Variants in TBC1D12 observed in about 807,000 individuals in gnomAD.
The protein encoded by TBC1D12 is TBC1 domain family, member 12.
Under a neutral mutation model 86.7 loss-of-function variants are expected in TBC1D12, and 56 were observed. The observed-to-expected ratio is 0.65, with a 90% confidence interval of 0.52 to 0.81. The LOEUF (loss-of-function observed/expected upper bound fraction) is 0.81. TBC1D12 is among the 30% of genes least tolerant of loss of function. TBC1D12 has a pLI of 0.00. For synonymous variants in TBC1D12, 421 were observed against 411.7 expected (o/e 1.02, Z -0.27); for missense variants, 1,023 against 1,038.8 (o/e 0.98, Z 0.21).
At chr10:94,477,458 T>C (rs957109474) in intron 3 of TBC1D12, among the ~76,000 whole-genome samples, 1 of 152,232 alleles carries the variant, frequency 6.6e-6, no homozygotes, top group Non-Finnish European at 1.5e-5. Flanking sequence ...TTCAATTTTA[T>C]TGAGTATAAA....
At chr10:94,467,307 A>C (rs1280650365) in intron 2 of TBC1D12, among the ~76,000 whole-genome samples, 2 of 152,066 alleles carry the variant, frequency 1.3e-5, no homozygotes, top group Non-Finnish European at 2.9e-5. Flanking sequence ...ATCTCAGCTC[A>C]CTGCAACCTT....
At chr10:94,438,586 G>A (rs1172231191) in intron 1 of TBC1D12, among the ~76,000 whole-genome samples, 4 of 152,060 alleles carry the variant, frequency 2.6e-5, no homozygotes, top group Non-Finnish European at 2.9e-5. Flanking sequence ...CCAGGAACAT[G>A]GGCTGCTATC....
intron 3 of TBC1D12, among the ~76,000 whole-genome samples, chr10:94,479,345 G>GT (rs1005803839): frequency 5.0e-4 from 76 of 151,682 alleles, no homozygotes; most frequent in Non-Finnish European, 2.4e-4. Context: ...AGTAAATAAA[G>GT]TTTTTTTTAA....
intron 9 of TBC1D12, among the ~76,000 whole-genome samples, chr10:94,514,232 A>C (rs1221665108): frequency 1.3e-5 from 2 of 152,068 alleles, no homozygotes; most frequent in Non-Finnish European, 2.9e-5. Flanking sequence ...AAAATTAGCC[A>C]GGTGTGGTGG....
intron 2 of TBC1D12, among the ~76,000 whole-genome samples, chr10:94,449,438 G>T (rs1275502386): frequency 6.6e-6 from 1 of 152,054 alleles, no homozygotes; most frequent in Admixed American, 6.5e-5. Context: ...CATAGATCTG[G>T]AATAAAATTT....
intron 1 of TBC1D12, among the ~76,000 whole-genome samples, chr10:94,441,092 C>T (rs1460220139): frequency 6.6e-6 from 1 of 151,796 alleles, no homozygotes; most frequent in Non-Finnish European, 1.5e-5. Context: ...TCGTGATCCG[C>T]CCGCCTCAAC....
Position 94,445,470 on chromosome 10 carries a change from C to T in TBC1D12, c.1095+3451C>T, listed in dbSNP as rs80185683. On this transcript the variant is annotated intron_variant, in intron 2 of 12. Transcript: ENST00000225235. Reference sequence around the variant, plus strand: ...AATGTAGTTGCTGCCTCTGCCTCTGCGGCCCCTTCTCTGATCCTTTAACTG... The same window carrying T: ...AATGTAGTTGCTGCCTCTGCCTCTGTGGCCCCTTCTCTGATCCTTTAACTG... Among the ~76,000 whole-genome samples, 384 of 152,252 alleles carry T rather than the reference C, an allele frequency of 2.5e-3. 10 individuals carry two copies. The East Asian group carries it at 0.059, about 23-fold the overall frequency.
At chr10:94,449,823 A>G (rs538414364) in intron 2 of TBC1D12, among the ~76,000 whole-genome samples, 1 of 152,240 alleles carries the variant, frequency 6.6e-6, no homozygotes, top group African/African-American at 2.4e-5. Context: ...TCTTCTTGTC[A>G]GTCCCCATAT....
At chr10:94,412,994 G>A (rs963469934) in intron 1 of TBC1D12, among the ~76,000 whole-genome samples, 1 of 152,196 alleles carries the variant, frequency 6.6e-6, no homozygotes, top group African/African-American at 2.4e-5. Flanking sequence ...AGACCCCCAG[G>A]TGATTCTGAT....
chr10:94,422,852 G>A (rs964576888), intron 1 of TBC1D12, among the ~76,000 whole-genome samples: 1 of 152,178 alleles, frequency 6.6e-6, no homozygotes, highest in Admixed American at 6.5e-5. Flanking sequence ...GATTACAGGT[G>A]TGAGCCACCA....
rs2056218377 is a variant in TBC1D12 at position 94,489,549 on chromosome 10, CA to C, written c.1212-3815del. The stretch of plus-strand genomic sequence containing the variant: ...AGATAGTTAAAATTTGGTGTTCCTG[CA>C]GGGTGGACAACTGGTGCAGGCTTCT... On this transcript the variant is annotated intron_variant, in intron 3 of 12. Coordinates refer to ENST00000225235, the MANE Select transcript of TBC1D12 (RefSeq NM_015188.2). 2.0e-5 allele frequency among the ~76,000 whole-genome samples: 3 copies of C among 152,306 alleles called. No homozygotes were observed. In the South Asian group the frequency reaches 6.2e-4, roughly 32 times the overall value.
intron 2 of TBC1D12, among the ~76,000 whole-genome samples, chr10:94,448,981 A>C (rs2055510812): frequency 6.6e-6 from 1 of 152,152 alleles, no homozygotes; most frequent in Non-Finnish European, 1.5e-5. Context: ...AAGATTGGAG[A>C]GGTACTAGTA....
In TBC1D12 at chr10:94,500,399, G is replaced by A. The variant is rs957378603; in HGVS notation, c.1519+72G>A. ...TACAGAGTTACATAGCAGATTAGTAGAGTGACCATTAAAATAAATGGCCTT... is the reference window on the plus strand; with the variant it reads ...TACAGAGTTACATAGCAGATTAGTAAAGTGACCATTAAAATAAATGGCCTT... On this transcript the variant is annotated intron_variant, in intron 6 of 12. Transcript: ENST00000225235. 3.9e-5 allele frequency: 49 copies of A among 1,268,590 alleles called. No homozygotes were observed. In the African/African-American group the frequency reaches 6.6e-4, roughly 17 times the overall value. 78.6% of individuals were successfully genotyped at this position (1,268,590 alleles called of 1,614,324 possible).
intron 2 of TBC1D12, among the ~76,000 whole-genome samples, chr10:94,464,102 TTC>T (rs1386727058): frequency 6.6e-6 from 1 of 152,182 alleles, no homozygotes; most frequent in Admixed American, 6.5e-5. Context: ...TTGCAGACAT[TTC>T]TGTTTTCATC....
At chr10:94,446,813 G>A (rs1249877198) in intron 2 of TBC1D12, among the ~76,000 whole-genome samples, 1 of 152,092 alleles carries the variant, frequency 6.6e-6, no homozygotes, top group Non-Finnish European at 1.5e-5. Context: ...TGGGTGCGGT[G>A]GCTCACATCT....
At position 94,402,610 on chromosome 10, in the gene TBC1D12, C is replaced by A; in HGVS notation, c.-4C>A. Reference sequence around the variant, plus strand: ...CTCCTGGGGCGGCCGCCACCCACCCCCAGATGGTGGGTCCGGAGGATGCCG... The same window carrying A: ...CTCCTGGGGCGGCCGCCACCCACCCACAGATGGTGGGTCCGGAGGATGCCG... On this transcript the variant is annotated 5_prime_UTR_variant, in exon 1 of 13. Coordinates refer to ENST00000225235, the MANE Select transcript of TBC1D12 (RefSeq NM_015188.2). The A allele has an allele frequency of 6.2e-7, 1 of 1,611,372 alleles. No homozygotes were observed. The highest frequency in any genetic ancestry group is 8.5e-7 in the Non-Finnish European group (1 of 1,179,338).
chr10:94,466,411 A>G (rs1367542526), intron 2 of TBC1D12, among the ~76,000 whole-genome samples: 1 of 151,968 alleles, frequency 6.6e-6, no homozygotes. Flanking sequence ...CTGTCTATTG[A>G]CAACATATAT....
intron 6 of TBC1D12, 141 bp downstream of exon 6, chr10:94,500,468 T>G: frequency 1.9e-6 from 1 of 524,440 alleles, no homozygotes; most frequent in Non-Finnish European, 3.2e-6. Flanking sequence ...CATCCCCCTG[T>G]TATGAAGCAG....
intron 1 of TBC1D12, among the ~76,000 whole-genome samples, chr10:94,431,490 AT>A: frequency 6.6e-6 from 1 of 152,254 alleles, no homozygotes; most frequent in Middle Eastern, 3.4e-3. Context: ...ACCTGAAGCA[AT>A]AAGGTACTTT....
Sources: gnomAD v4.1 joint callset for allele counts (sites outside exome capture counted in the v4.1 genomes callset) on GRCh38, gnomAD v4.1.1 for gene constraint, MANE v1.5 for transcripts, NCBI Gene and HGNC (gene_info 2026-07-23, HGNC 2026-07-21) for gene names.